Variants in CEP112 observed in about 807,000 individuals in gnomAD.
CEP112 encodes the protein centrosomal protein 112, also known as centrosomal protein of 112 kDa.
In CEP112, 127 loss-of-function variants were observed where a neutral mutation model predicts 153.0. That is an observed-to-expected ratio of 0.83 (90% CI 0.72 to 0.96). The LOEUF (loss-of-function observed/expected upper bound fraction) is 0.96, where lower values mean the gene tolerates loss of function less well. Ranked by LOEUF, CEP112 falls within the 40% of genes least tolerant of loss-of-function variation. The pLI is 0.00. For missense variants in CEP112, 1,089 were observed against 1,101.2 expected (o/e 0.99, Z 0.16); for synonymous variants, 358 against 374.4 (o/e 0.96, Z 0.51).
At chr17:65,834,357 T>C (rs573790285) in intron 21 of CEP112, among the ~76,000 whole-genome samples, 7 of 152,214 alleles carry the variant, frequency 4.6e-5, no homozygotes, top group African/African-American at 1.7e-4. Flanking sequence ...AAGTGGGCTA[T>C]AATGAAACTT....
intron 19 of CEP112, among the ~76,000 whole-genome samples, chr17:65,923,211 G>A (rs2060796328): frequency 6.6e-6 from 1 of 152,164 alleles, no homozygotes. Context: ...CAGTTAGAAA[G>A]TCTGAAGTTA....
intron 20 of CEP112, among the ~76,000 whole-genome samples, chr17:65,876,709 G>C (rs1392555182): frequency 6.6e-6 from 1 of 151,888 alleles, no homozygotes; most frequent in African/African-American, 2.4e-5. Flanking sequence ...CAATGTCTTA[G>C]ATTTTTGAAA....
intron 17 of CEP112, among the ~76,000 whole-genome samples, chr17:65,966,481 T>G (rs1162454635): frequency 1.3e-5 from 2 of 152,212 alleles, no homozygotes; most frequent in Non-Finnish European, 2.9e-5. Flanking sequence ...ATACTTCATT[T>G]CCTGCCAGCT....
intron 18 of CEP112, among the ~76,000 whole-genome samples, chr17:65,945,569 A>T: frequency 6.6e-6 from 1 of 152,170 alleles, no homozygotes; most frequent in Non-Finnish European, 1.5e-5. Flanking sequence ...CATTTAAGGC[A>T]TTCCATTGGA....
chr17:65,704,851 C>T (rs1415986322), intron 23 of CEP112, among the ~76,000 whole-genome samples: 2 of 152,116 alleles, frequency 1.3e-5, no homozygotes, highest in Non-Finnish European at 2.9e-5. Flanking sequence ...TAAAACTTTC[C>T]GTTTAAACCA....
intron 4 of CEP112, among the ~76,000 whole-genome samples, chr17:66,146,103 G>A (rs1273572652): frequency 1.3e-5 from 2 of 151,860 alleles, no homozygotes; most frequent in Non-Finnish European, 2.9e-5. Flanking sequence ...GTCTTCTTTT[G>A]GAAGCAGAGT....
chr17:65,644,522 C>G (rs948249711), intron 24 of CEP112: 8 of 293,484 alleles, frequency 2.7e-5, no homozygotes, highest in Non-Finnish European at 5.3e-5. Flanking sequence ...CAAAGCACAG[C>G]AGAACAATAT....
chr17:65,676,321 C>G (rs1450241037), intron 24 of CEP112, among the ~76,000 whole-genome samples: 1 of 133,482 alleles, frequency 7.5e-6, no homozygotes, highest in East Asian at 2.1e-4. Flanking sequence ...GAGTGAGACT[C>G]TGTCTTAAAA....
At chr17:65,715,363 G>C (rs2049445941) in intron 23 of CEP112, among the ~76,000 whole-genome samples, 1 of 151,800 alleles carries the variant, frequency 6.6e-6, no homozygotes, top group South Asian at 2.1e-4. Flanking sequence ...AGAATAGAGA[G>C]AAAAACAACA....
At chr17:65,658,691 C>T (rs1243330262) in intron 24 of CEP112, among the ~76,000 whole-genome samples, 1 of 151,964 alleles carries the variant, frequency 6.6e-6, no homozygotes, top group South Asian at 2.1e-4. Flanking sequence ...AAGCTGTAGC[C>T]TCGGGAATGG....
intron 21 of CEP112, among the ~76,000 whole-genome samples, chr17:65,774,471 T>C (rs1567993824): frequency 6.6e-6 from 1 of 152,150 alleles, no homozygotes; most frequent in Non-Finnish European, 1.5e-5. Context: ...TGGCAGCGTG[T>C]GTTCAAGCTG....
intron 1 of CEP112, among the ~76,000 whole-genome samples, chr17:66,184,302 A>C (rs940821822): frequency 6.6e-6 from 1 of 152,168 alleles, no homozygotes; most frequent in African/African-American, 2.4e-5. Context: ...CACAAAAAAA[A>C]ACTGTCCTGC....
At chr17:65,778,105 C>G (rs1450560603) in intron 21 of CEP112, among the ~76,000 whole-genome samples, 1 of 152,176 alleles carries the variant, frequency 6.6e-6, no homozygotes, top group East Asian at 1.9e-4. Context: ...TCCACAGTCC[C>G]CACCCTGGTA....
chr17:66,172,387 C>A (rs1426442070), intron 4 of CEP112, among the ~76,000 whole-genome samples: 2 of 152,132 alleles, frequency 1.3e-5, no homozygotes, highest in Non-Finnish European at 2.9e-5. Context: ...GCTTTTTTCA[C>A]GTTGCAATCT....
chr17:65,833,643 A>G (rs2057180304), intron 21 of CEP112, among the ~76,000 whole-genome samples: 1 of 152,186 alleles, frequency 6.6e-6, no homozygotes, highest in Non-Finnish European at 1.5e-5. Flanking sequence ...CTAGGAATAC[A>G]GCTAACCACG....
rs562589336 is a variant in CEP112, at chr17:66,109,638, GA to G, written c.643-13007del. Among the ~76,000 whole-genome samples the G allele has an allele frequency of 9.6e-3, 1,430 of 149,162 alleles. 19 individuals are homozygous for G. The highest frequency in any genetic ancestry group is 0.032 in the African/African-American group (1,308 of 40,874). The stretch of plus-strand genomic sequence containing the variant: ...CATCAAAAGATTAGGGCTAAAGACT[GA>G]AAAAAAAATAGAGAGTAGAATCCAT... On this transcript the variant is annotated intron_variant, in intron 6 of 26. Transcript: ENST00000535342.
At chr17:65,982,855 C>T (rs1001091885) in intron 17 of CEP112, among the ~76,000 whole-genome samples, 3 of 152,180 alleles carry the variant, frequency 2.0e-5, no homozygotes, top group Non-Finnish European at 4.4e-5. Context: ...ATGGTATATA[C>T]ACACAATGGA....
intron 18 of CEP112, among the ~76,000 whole-genome samples, chr17:65,947,353 A>G (rs1284061395): frequency 6.6e-6 from 1 of 152,158 alleles, no homozygotes; most frequent in Non-Finnish European, 1.5e-5. Flanking sequence ...GAGAGCAGGT[A>G]TTCATAAATT....
In CEP112 at chr17:66,039,249, C is replaced by T. The variant is rs182947955; in HGVS notation, c.1219-9226G>A. On this transcript the variant is annotated intron_variant, in intron 12 of 26. Transcript: ENST00000535342. The stretch of plus-strand genomic sequence containing the variant: ...TGGTCTTTTCATCGTACAACATCTA[C>T]TGACATAAGAAGTCAGTACTGGAGA... Among the ~76,000 whole-genome samples the T allele has an allele frequency of 1.8e-4, 28 of 152,198 alleles. 1 individual carries two copies. The East Asian group carries it at 4.8e-3, about 26-fold the overall frequency.
Sources: gnomAD v4.1 joint callset for allele counts (sites outside exome capture counted in the v4.1 genomes callset) on GRCh38, gnomAD v4.1.1 for gene constraint, MANE v1.5 for transcripts, NCBI Gene and HGNC (gene_info 2026-07-23, HGNC 2026-07-21) for gene names.